WWOX: variants seen among roughly 807,000 people sequenced by gnomAD.
WWOX encodes the protein WW domain containing oxidoreductase, also known as WW domain-containing oxidoreductase.
Under a neutral mutation model 46.2 loss-of-function variants are expected in WWOX, and 69 were observed. The ratio of observed to expected loss-of-function variants is 1.49; its 90% CI spans 1.23 to 1.82. The LOEUF (loss-of-function observed/expected upper bound fraction) is 1.82. Ranked by LOEUF, WWOX falls within the 40% of genes most tolerant of loss-of-function variation. WWOX has a pLI of 0.00. For missense variants in WWOX, 919 were observed against 542.6 expected (o/e 1.69, Z -6.89); for synonymous variants, 359 against 202.6 (o/e 1.77, Z -6.56).
intron 8 of WWOX, among the ~76,000 whole-genome samples, chr16:78,992,970 A>G (rs767570441): frequency 6.6e-6 from 1 of 151,760 alleles, no homozygotes; most frequent in Admixed American, 6.6e-5. Context: ...AAAATTATTC[A>G]GTGACTTCCT....
chr16:78,341,109 G>T (rs1188738971), intron 5 of WWOX, among the ~76,000 whole-genome samples: 1 of 98,920 alleles, frequency 1.0e-5, no homozygotes, highest in Non-Finnish European at 2.3e-5. Context: ...GCTAGCTTAA[G>T]ACTCAGCTCT....
In WWOX at chr16:78,350,248, G is replaced by C. The variant is rs1385443279; in HGVS notation, c.517-36612G>C. Among the ~76,000 whole-genome samples, 2 of 121,098 alleles carry C rather than the reference G, an allele frequency of 1.7e-5. 1 individual carries two copies. The highest frequency in any genetic ancestry group is 5.6e-5 in the African/African-American group (2 of 35,700). 79.4% of individuals were successfully genotyped at this position (121,098 alleles called of 152,430 possible). On this transcript the variant is annotated intron_variant, in intron 5 of 8. Coordinates refer to ENST00000566780, the MANE Select transcript of WWOX (RefSeq NM_016373.4). The stretch of plus-strand genomic sequence containing the variant: ...AGTGATTTATTACTAGAAATTCTTA[G>C]CGAGCTGAAGTTTGTAAATTTTCTC...
intron 4 of WWOX, among the ~76,000 whole-genome samples, chr16:78,150,608 C>T (rs767566777): frequency 5.3e-5 from 8 of 151,880 alleles, no homozygotes; most frequent in Non-Finnish European, 1.0e-4. Flanking sequence ...GTCTTGAACT[C>T]CTCAGCTCAA....
At chr16:78,117,811 G>A (rs890442142) in intron 4 of WWOX, among the ~76,000 whole-genome samples, 2 of 152,118 alleles carry the variant, frequency 1.3e-5, no homozygotes, top group African/African-American at 4.8e-5. Context: ...AATGGTGTTG[G>A]TGTTCCCTTT....
chr16:78,510,816 G>GT (rs2085343136), intron 8 of WWOX, among the ~76,000 whole-genome samples: 1 of 152,228 alleles, frequency 6.6e-6, no homozygotes, highest in Non-Finnish European at 1.5e-5. Context: ...CACAGCAGTG[G>GT]ATTCACTTCC....
chr16:78,320,955 C>G (rs1459181819), intron 5 of WWOX, among the ~76,000 whole-genome samples: 1 of 152,064 alleles, frequency 6.6e-6, no homozygotes, highest in Admixed American at 6.6e-5. Context: ...GGTTAATTGT[C>G]TTGTTTACAA....
intron 5 of WWOX, among the ~76,000 whole-genome samples, chr16:78,303,362 C>T (rs1359228511): frequency 1.3e-5 from 2 of 152,044 alleles, no homozygotes; most frequent in Admixed American, 6.6e-5. Flanking sequence ...AGGTACCAGC[C>T]TTGGTTGAAG....
At chr16:79,165,399 T>C (rs1490903201) in intron 8 of WWOX, among the ~76,000 whole-genome samples, 2 of 152,210 alleles carry the variant, frequency 1.3e-5, no homozygotes, top group African/African-American at 2.4e-5. Context: ...TCCTTTCTTA[T>C]GATTAATGCA....
At chr16:78,449,935 G>A (rs971808749) in intron 8 of WWOX, among the ~76,000 whole-genome samples, 5 of 151,636 alleles carry the variant, frequency 3.3e-5, no homozygotes, top group African/African-American at 1.2e-4. Context: ...GGTAAGGCTA[G>A]CCAATCATTT....
At chr16:78,587,662 G>A (rs1459343156) in intron 8 of WWOX, among the ~76,000 whole-genome samples, 2 of 152,128 alleles carry the variant, frequency 1.3e-5, no homozygotes, top group African/African-American at 4.8e-5. Context: ...TGTGGGGAGT[G>A]GAGGGAGTGA....
At chr16:78,361,547 T>A (rs1025798385) in intron 5 of WWOX, among the ~76,000 whole-genome samples, 11 of 152,166 alleles carry the variant, frequency 7.2e-5, no homozygotes, top group African/African-American at 2.4e-4. Flanking sequence ...TCCCTTACTC[T>A]TTTTATAGTC....
chr16:78,386,348 T>C (rs1294660023), intron 5 of WWOX, among the ~76,000 whole-genome samples: 1 of 152,150 alleles, frequency 6.6e-6, no homozygotes, highest in East Asian at 1.9e-4. Context: ...GGGATCGAGG[T>C]CCGTCAGAAT....
chr16:78,122,514 T>C (rs951781013), intron 4 of WWOX, among the ~76,000 whole-genome samples: 5 of 152,234 alleles, frequency 3.3e-5, no homozygotes, highest in African/African-American at 1.2e-4. Context: ...ATTGTTTTAC[T>C]TAAAACCCAA....
chr16:78,885,387 C>T (rs554776850), intron 8 of WWOX, among the ~76,000 whole-genome samples: 11 of 152,126 alleles, frequency 7.2e-5, no homozygotes, highest in African/African-American at 2.7e-4. Flanking sequence ...GCTCCTGAGA[C>T]CACAACAGTC....
At chr16:78,784,485 A>G (rs2142566540) in intron 8 of WWOX, among the ~76,000 whole-genome samples, 1 of 152,266 alleles carries the variant, frequency 6.6e-6, no homozygotes, top group African/African-American at 2.4e-5. Flanking sequence ...AGATAAGAGT[A>G]CAGTCTCTGG....
At chr16:78,565,083 C>G (rs2044532481) in intron 8 of WWOX, among the ~76,000 whole-genome samples, 1 of 152,080 alleles carries the variant, frequency 6.6e-6, no homozygotes, top group African/African-American at 2.4e-5. Context: ...CTGGAAGGAA[C>G]CTCAGTTTGT....
At chr16:79,118,048 G>C (rs1171209856) in intron 8 of WWOX, among the ~76,000 whole-genome samples, 2 of 152,238 alleles carry the variant, frequency 1.3e-5, no homozygotes, top group African/African-American at 4.8e-5. Flanking sequence ...CAACTTGCCT[G>C]TTTGGCACGA....
At chr16:78,274,722 G>C (rs77545879) in intron 5 of WWOX, among the ~76,000 whole-genome samples, 16,479 of 152,114 alleles carry the variant, frequency 0.11, 1,092 homozygotes, top group Non-Finnish European at 0.15. Flanking sequence ...TGCTGCTTTC[G>C]TTTCTTGGGC....
At chr16:79,199,415 A>G (rs940469655) in intron 8 of WWOX, among the ~76,000 whole-genome samples, 1 of 152,160 alleles carries the variant, frequency 6.6e-6, no homozygotes, top group Non-Finnish European at 1.5e-5. Flanking sequence ...TAAAGGATCT[A>G]TCATGCGTAA....
Sources: allele counts gnomAD v4.1 joint callset (sites outside exome capture counted in the v4.1 genomes callset), GRCh38; gene constraint gnomAD v4.1.1; transcripts MANE v1.5; gene names NCBI Gene and HGNC (gene_info 2026-07-23, HGNC 2026-07-21).